ADAMTSL1: variants seen among roughly 807,000 people sequenced by gnomAD.
ADAMTSL1 encodes the protein ADAMTS-like protein 1.
Under a neutral mutation model 201.8 loss-of-function variants are expected in ADAMTSL1, and 126 were observed. That is an observed-to-expected ratio of 0.62 (90% CI 0.54 to 0.72). The LOEUF is 0.72. Ranked by LOEUF, ADAMTSL1 falls within the 30% of genes least tolerant of loss-of-function variation. The pLI is 0.00. For missense variants in ADAMTSL1, 2,679 were observed against 2,277.8 expected, an observed-to-expected ratio of 1.18 and a Z score of -3.59; for synonymous variants, 1,121 against 903.4, an observed-to-expected ratio of 1.24 and a Z score of -4.32.
intron 2 of ADAMTSL1, among the ~76,000 whole-genome samples, chr9:18,326,988 A>T (rs1834851456): frequency 6.6e-6 from 1 of 152,252 alleles, no homozygotes; most frequent in Non-Finnish European, 1.5e-5. Flanking sequence ...AAAGGAAAAT[A>T]AAAAGCCAAT....
At chr9:18,609,433 T>TAA (rs71902207) in intron 4 of ADAMTSL1, among the ~76,000 whole-genome samples, 10 of 146,200 alleles carry the variant, frequency 6.8e-5, no homozygotes, top group African/African-American at 1.0e-4. Context: ...AGAGGGAAGT[T>TAA]AAAAAAAAAA....
chr9:18,404,824 G>C (rs746713673), intron 2 of ADAMTSL1, among the ~76,000 whole-genome samples: 1 of 152,078 alleles, frequency 6.6e-6, no homozygotes, highest in Non-Finnish European at 1.5e-5. Context: ...GGACTTCTTG[G>C]CTCCCTGGAA....
At chr9:18,501,503 CAAAAAAAAAAA>C (rs397894789) in intron 1 of ADAMTSL1, among the ~76,000 whole-genome samples, 1 of 93,088 alleles carries the variant, frequency 1.1e-5, no homozygotes, top group African/African-American at 5.1e-5. Flanking sequence ...GACACGGTCT[CAAAAAAAAAAA>C]AAAAAAAAAA....
Position 18,516,124 on chromosome 9 carries a change from A to G in ADAMTSL1, c.191+11168A>G, listed in dbSNP as rs563890125. 3.0e-3 allele frequency among the ~76,000 whole-genome samples: 455 copies of G among 151,682 alleles called. 1 individual carries two copies. The highest frequency in any genetic ancestry group is 5.5e-3 in the Non-Finnish European group (376 of 67,866). On this transcript the variant is annotated intron_variant, in intron 2 of 28. Coordinates refer to ENST00000380548, the MANE Select transcript of ADAMTSL1 (RefSeq NM_001040272.6). ...AAAGAAAGAAAAAGAAAGATTTCCT[A>G]ATGCTACTTGCATAATTTATTGAAT...
intron 5 of ADAMTSL1, among the ~76,000 whole-genome samples, chr9:18,630,303 C>A (rs1441179744): frequency 6.6e-6 from 1 of 152,060 alleles, no homozygotes; most frequent in Admixed American, 6.6e-5. Context: ...TATTCTCAGC[C>A]CTGTATGAGC....
At chr9:18,032,859 C>T (rs1454009963) in intron 1 of ADAMTSL1, among the ~76,000 whole-genome samples, 1 of 150,878 alleles carries the variant, frequency 6.6e-6, no homozygotes, top group Admixed American at 6.6e-5. Flanking sequence ...TGTTCAGGAC[C>T]AGCAACCTGT....
chr9:17,996,658 C>T lies in ADAMTSL1; in HGVS notation c.87+89736C>T, dbSNP rs79131392. On this transcript the variant is annotated intron_variant, in intron 1 of 29. Coordinates refer to the ADAMTSL1 transcript ENST00000680146. ...TCTCAGCTGCTGTTAGTTGCCAACC[C>T]TTTTTGAACCAGTTTTCTATTCCTT... 7.2e-3 allele frequency among the ~76,000 whole-genome samples: 1,090 copies of T among 152,106 alleles called. 31 individuals are homozygous for T. Among genetic ancestry groups the T allele is most frequent in the Admixed American group, 0.053 (812 of 15,252 alleles).
intron 7 of ADAMTSL1, among the ~76,000 whole-genome samples, chr9:18,653,999 G>T (rs148505778): frequency 0.033 from 5,023 of 152,282 alleles, 99 homozygotes; most frequent in South Asian, 0.073. Context: ...AGGCCGAGGC[G>T]GGTGGATCAC....
intron 4 of ADAMTSL1, among the ~76,000 whole-genome samples, chr9:18,616,480 C>A (rs565079730): frequency 6.6e-6 from 1 of 152,222 alleles, no homozygotes; most frequent in South Asian, 2.1e-4. Context: ...TAATGTGTAT[C>A]TATTATTTTG....
intron 1 of ADAMTSL1, among the ~76,000 whole-genome samples, chr9:18,048,163 T>C (rs2131657000): frequency 6.6e-6 from 1 of 152,326 alleles, no homozygotes; most frequent in Middle Eastern, 3.4e-3. Flanking sequence ...TCATGGTATG[T>C]ACTAGGTTAT....
At chr9:18,871,204 A>G (rs1206285529) in intron 23 of ADAMTSL1, among the ~76,000 whole-genome samples, 1 of 152,140 alleles carries the variant, frequency 6.6e-6, no homozygotes, top group African/African-American at 2.4e-5. Flanking sequence ...AGAGGTGGGG[A>G]GCCTATTATT....
At chr9:18,511,854 T>C (rs1190875440) in intron 2 of ADAMTSL1, among the ~76,000 whole-genome samples, 1 of 152,188 alleles carries the variant, frequency 6.6e-6, no homozygotes, top group Non-Finnish European at 1.5e-5. Flanking sequence ...TTTGTTTTTT[T>C]CTCTAAAAGA....
chr9:18,794,645 G>T (rs373474187), intron 19 of ADAMTSL1, among the ~76,000 whole-genome samples: 35,722 of 147,710 alleles, frequency 0.24, 4,505 homozygotes, highest in Admixed American at 0.3. Flanking sequence ...TGTTGTTGTT[G>T]TTTTTTGAGA....
rs142725426 is a variant in ADAMTSL1 at position 18,781,834 on chromosome 9, C to A, written c.3677+3928C>A. On this transcript the variant is annotated intron_variant, in intron 19 of 28. Transcript: ENST00000380548. ...ATGAGCCAGCAAGATAGGTCCAGGT[C>A]AGAAAAAAGTGAGAGAAGTCTGTTA... 5.7e-4 allele frequency among the ~76,000 whole-genome samples: 86 copies of A among 152,142 alleles called. 1 individual carries two copies. The East Asian group carries it at 0.014, about 25-fold the overall frequency.
At chr9:18,772,602 A>T (rs1820759165) in intron 17 of ADAMTSL1, among the ~76,000 whole-genome samples, 1 of 152,228 alleles carries the variant, frequency 6.6e-6, no homozygotes, top group Non-Finnish European at 1.5e-5. Flanking sequence ...GCTTATCTGT[A>T]TAATGGAAAT....
chr9:18,370,447 C>G (rs370599653), intron 2 of ADAMTSL1, among the ~76,000 whole-genome samples: 9 of 152,112 alleles, frequency 5.9e-5, no homozygotes, highest in Admixed American at 1.3e-4. Flanking sequence ...ATGTACCCCC[C>G]CCGAATCCAT....
At chr9:18,524,948 G>T (rs2132054101) in intron 2 of ADAMTSL1, among the ~76,000 whole-genome samples, 1 of 152,260 alleles carries the variant, frequency 6.6e-6, no homozygotes, top group African/African-American at 2.4e-5. Context: ...GGATGATGCT[G>T]GCCTCATAAA....
chr9:18,342,435 G>A (rs1289433918), intron 2 of ADAMTSL1, among the ~76,000 whole-genome samples: 4 of 152,078 alleles, frequency 2.6e-5, no homozygotes, highest in Non-Finnish European at 5.9e-5. Flanking sequence ...AGAGTAGCAT[G>A]GCAAAAGGAC....
chr9:18,318,882 G>A (rs752735429), intron 2 of ADAMTSL1, among the ~76,000 whole-genome samples: 21 of 152,254 alleles, frequency 1.4e-4, no homozygotes, highest in African/African-American at 3.6e-4. Flanking sequence ...TATTTAGTGC[G>A]TGTGTCCACA....
Sources: allele counts gnomAD v4.1 joint callset (sites outside exome capture counted in the v4.1 genomes callset), GRCh38; gene constraint gnomAD v4.1.1; transcripts MANE v1.5; gene names NCBI Gene and HGNC (gene_info 2026-07-23, HGNC 2026-07-21).